Variants in SMIM17 observed in about 807,000 individuals in gnomAD.
SMIM17 encodes small integral membrane protein 17.
Under a neutral mutation model 12.2 loss-of-function variants are expected in SMIM17, and 10 were observed. The observed-to-expected ratio is 0.82, with a 90% CI of 0.50 to 1.39. The LOEUF (loss-of-function observed/expected upper bound fraction) is 1.39. Ranked by LOEUF, SMIM17 falls within the 40% of genes most tolerant of loss-of-function variation. The probability of loss-of-function intolerance (pLI) is 0.00; values close to 1 mark genes in which losing one functional copy is unlikely to be tolerated. For missense variants in SMIM17, 136 were observed against 118.2 expected (o/e 1.15, Z -0.70); for synonymous variants, 50 against 44.1 (o/e 1.13, Z -0.53).
intron 3 of SMIM17, among the ~76,000 whole-genome samples, chr19:56,649,784 C>T (rs928059559): frequency 5.3e-5 from 8 of 151,582 alleles, no homozygotes; most frequent in Non-Finnish European, 1.0e-4. Flanking sequence ...GTCATGGGGG[C>T]GATGGGGTGG....
At position 56,654,661 on chromosome 19, in the gene SMIM17, CT is replaced by C. The variant is rs200617604; in HGVS notation, c.247-434del. On this transcript the variant is annotated intron_variant, in intron 3 of 3. Transcript: ENST00000598409. Reference sequence around the variant, plus strand: ...AATGGGAGGAAAACTGCATGAGGAGCTTTTTTTTGTGGGGGACATTACAATA... The same window carrying C: ...AATGGGAGGAAAACTGCATGAGGAGCTTTTTTTGTGGGGGACATTACAATA... 4.6e-5 allele frequency among the ~76,000 whole-genome samples: 7 copies of C among 151,756 alleles called. No homozygotes were observed. The East Asian group carries it at 5.8e-4, about 13-fold the overall frequency.
intron 3 of SMIM17, among the ~76,000 whole-genome samples, chr19:56,652,152 T>C (rs1377370238): frequency 6.8e-6 from 1 of 147,686 alleles, no homozygotes; most frequent in African/African-American, 2.5e-5. Flanking sequence ...TCCTTGTATA[T>C]ATCCTGCCAA....
At chr19:56,649,726 A>G (rs10409203) in intron 3 of SMIM17, among the ~76,000 whole-genome samples, 102,275 of 151,780 alleles carry the variant, frequency 0.67, 34,667 homozygotes, top group East Asian at 0.88. Flanking sequence ...ACCAAGGGGC[A>G]TGGTGGTCAG....
In SMIM17 at chr19:56,645,553, T is replaced by G. The variant is rs1568516711; in HGVS notation, c.-100-15T>G. 1 of 969,852 alleles carries G rather than the reference T, an allele frequency of 1.0e-6. No homozygotes were observed. The highest frequency in any genetic ancestry group is 1.4e-6 in the Non-Finnish European group (1 of 697,680). The allele number at this position is 969,852 out of a possible 1,614,324, so 60.1% of individuals were successfully genotyped here. A position where few individuals can be genotyped will look rare whatever the true frequency, so the allele number is the denominator to read the frequency against. On this transcript the variant is annotated splice_polypyrimidine_tract_variant and intron_variant, in intron 1 of 3. Coordinates refer to ENST00000598409, the MANE Select transcript of SMIM17 (RefSeq NM_001193628.2). ...CCCTCTGTAATGATTCACTGAATGA[T>G]GAAATGTCCATCAGTCCTCAGGTTC...
At chr19:56,652,782 G>C (rs909557791) in intron 3 of SMIM17, among the ~76,000 whole-genome samples, 3 of 152,054 alleles carry the variant, frequency 2.0e-5, no homozygotes, top group Non-Finnish European at 4.4e-5. Flanking sequence ...TAACCTCCTG[G>C]GTAATCCTCT....
intron 2 of SMIM17, 107 bp from the exon 3 acceptor site, chr19:56,647,450 AG>A: frequency 1.5e-6 from 1 of 652,914 alleles, no homozygotes; most frequent in South Asian, 1.9e-5. Context: ...AGAGAGAGAG[AG>A]GAGGCTATTA....
chr19:56,643,587 C>T (rs978902653), intron 1 of SMIM17, among the ~76,000 whole-genome samples: 1 of 152,116 alleles, frequency 6.6e-6, no homozygotes, highest in East Asian at 1.9e-4. Flanking sequence ...GTTCGCTCCC[C>T]CTGGGGTGTT....
intron 3 of SMIM17, among the ~76,000 whole-genome samples, chr19:56,652,066 T>C (rs1165876409): frequency 1.6e-5 from 2 of 124,266 alleles, no homozygotes; most frequent in African/African-American, 3.2e-5. Flanking sequence ...ATTGTGCCAC[T>C]GCACTCCAGC....
At chr19:56,645,989 T>C (rs1283480225) in intron 2 of SMIM17, among the ~76,000 whole-genome samples, 153 bp downstream of exon 2, 1 of 152,232 alleles carries the variant, frequency 6.6e-6, no homozygotes, top group Non-Finnish European at 1.5e-5. Context: ...TAACAAGTCA[T>C]CCCCAAACTT....
At chr19:56,647,481 C>T (rs2045073698) in intron 2 of SMIM17, 77 bp from the exon 3 acceptor site, 2 of 972,906 alleles carry the variant, frequency 2.1e-6, no homozygotes, top group African/African-American at 1.7e-5. Flanking sequence ...GGACAAGATG[C>T]CAGTGGGAAG....
chr19:56,652,865 A>G (rs2148044301), intron 3 of SMIM17, among the ~76,000 whole-genome samples: 1 of 152,280 alleles, frequency 6.6e-6, no homozygotes, highest in South Asian at 2.1e-4. Flanking sequence ...AAACCATACA[A>G]GTAGCGGCCA....
intron 2 of SMIM17, among the ~76,000 whole-genome samples, chr19:56,646,409 G>A (rs369939756): frequency 1.8e-4 from 27 of 152,234 alleles, no homozygotes; most frequent in African/African-American, 5.1e-4. Flanking sequence ...TCTCCTCCCC[G>A]GACGATTTTT....
Position 56,647,617 on chromosome 19 carries a change from G to A in SMIM17, c.229G>A (p.Glu77Lys), listed in dbSNP as rs755994391. 15 of 1,534,120 alleles carry A rather than the reference G, an allele frequency of 9.8e-6. No homozygotes were observed. The highest frequency in any genetic ancestry group is 4.1e-5 in the African/African-American group (3 of 72,560). ...GTGGAGCTCGGTGGAGGAAGATGACGAATCAGAGGGCTCCCAGGTACACTG... is the reference window on the plus strand; with the variant it reads ...GTGGAGCTCGGTGGAGGAAGATGACAAATCAGAGGGCTCCCAGGTACACTG... Reference protein sequence around the residue: ...QEWSSVEEDDESEGSQGFVEW... With the variant: ...QEWSSVEEDDKSEGSQGFVEW... Residue 77 changes from glutamate to lysine, a missense_variant, in exon 3 of 4, where the codon GAA becomes AAA. Glu to Lys is a moderately conservative substitution (Grantham distance 56). Transcript: ENST00000598409.
intron 3 of SMIM17, among the ~76,000 whole-genome samples, chr19:56,650,259 C>T (rs898433053): frequency 1.3e-5 from 2 of 152,116 alleles, no homozygotes; most frequent in East Asian, 3.9e-4. Flanking sequence ...CTGCAACCTC[C>T]GCCTCCTCTG....
rs1172438152 is a variant in SMIM17, at chr19:56,655,472, A to G, written c.*259A>G. 4.9e-6 allele frequency: 2 copies of G among 406,078 alleles called. No individual in the cohort carries two copies. Among genetic ancestry groups the G allele is most frequent in the Non-Finnish European group, 8.7e-6 (2 of 230,756 alleles). 25.2% of individuals were successfully genotyped at this position (406,078 alleles called of 1,614,324 possible). Reference sequence around the variant, plus strand: ...AAAGAAAAGTGCTAATTAATCATTAAGATGCCACCAACTGGAAGATATCTC... The same window carrying G: ...AAAGAAAAGTGCTAATTAATCATTAGGATGCCACCAACTGGAAGATATCTC... On this transcript the variant is annotated 3_prime_UTR_variant, in exon 4 of 4. Transcript: ENST00000598409.
intron 3 of SMIM17, among the ~76,000 whole-genome samples, chr19:56,649,679 C>T (rs2045094541): frequency 6.6e-6 from 1 of 151,954 alleles, no homozygotes; most frequent in Non-Finnish European, 1.5e-5. Context: ...AGTGCAAAGG[C>T]CCTGAGGTAC....
intron 3 of SMIM17, among the ~76,000 whole-genome samples, chr19:56,653,423 T>A (rs1309137653): frequency 6.6e-6 from 1 of 152,236 alleles, no homozygotes; most frequent in Non-Finnish European, 1.5e-5. Flanking sequence ...TCAAAGTTAC[T>A]TTTTCCTGCT....
In SMIM17 at chr19:56,655,188, G is replaced by A. The variant is rs755163742; in HGVS notation, c.332G>A (p.Gly111Glu). 4.1e-5 allele frequency: 29 copies of A among 702,426 alleles called. No homozygotes were observed. In the South Asian group the frequency reaches 4.1e-4, roughly 10 times the overall value. 43.5% of individuals were successfully genotyped at this position (702,426 alleles called of 1,614,324 possible). The change falls in exon 4 of 4, where the codon GGG becomes GAG. Residue 111 changes from glycine to glutamate, a missense_variant. Gly to Glu is a moderately conservative substitution (Grantham distance 98). Coordinates refer to ENST00000598409, the MANE Select transcript of SMIM17 (RefSeq NM_001193628.2). ...CTTTTTTTGTTCCTGGTTTTAACGG[G>A]GATGCCTATGATGTTTCACATTTAA... is the stretch of plus-strand genomic sequence containing the variant. ...CVLFLFLVLT[G>E]MPMMFHI
intron 3 of SMIM17, among the ~76,000 whole-genome samples, chr19:56,652,671 A>AAGAG (rs112526874): frequency 0.019 from 2,927 of 150,354 alleles, 83 homozygotes; most frequent in African/African-American, 0.063. Flanking sequence ...AGAAAAAAAA[A>AAGAG]AGAGAGAGAG....
Sources: allele counts gnomAD v4.1 joint callset (sites outside exome capture counted in the v4.1 genomes callset), GRCh38; gene constraint gnomAD v4.1.1; transcripts MANE v1.5; gene names NCBI Gene and HGNC (gene_info 2026-07-23, HGNC 2026-07-21).